Variants in OSBPL8 observed in about 807,000 individuals in gnomAD.
OSBPL8 encodes the protein oxysterol-binding protein-related protein 8.
Under a neutral mutation model 125.5 loss-of-function variants are expected in OSBPL8, and 59 were observed. That is an observed-to-expected ratio of 0.47 (90% CI 0.38 to 0.58). The LOEUF is 0.58. Ranked by LOEUF, OSBPL8 falls within the 20% of genes least tolerant of loss-of-function variation. The pLI is 0.00. For missense variants in OSBPL8, 758 were observed against 1,047.8 expected (o/e 0.72, Z 3.82); for synonymous variants, 330 against 338.9 (o/e 0.97, Z 0.29).
intron 4 of OSBPL8, among the ~76,000 whole-genome samples, chr12:76,430,812 T>A (rs1870727831): frequency 6.6e-6 from 1 of 152,128 alleles, no homozygotes; most frequent in Non-Finnish European, 1.5e-5. Context: ...AAGACTTTCC[T>A]AGACAAACAA....
Position 76,422,684 on chromosome 12 carries a change from A to G in OSBPL8, c.218-12050T>C, listed in dbSNP as rs770858946. ...GAAGGTCTATTTAATGTATATGCTCACCCAAAGGCTAATTAGACCAATATG... is the reference window on the plus strand; with the variant it reads ...GAAGGTCTATTTAATGTATATGCTCGCCCAAAGGCTAATTAGACCAATATG... On this transcript the variant is annotated intron_variant, in intron 4 of 23. Transcript: ENST00000261183. 5.3e-5 allele frequency: 24 copies of G among 452,100 alleles called. 2 individuals carry two copies. The highest frequency in any genetic ancestry group is 3.8e-4 in the South Asian group (24 of 63,850). 28.0% of individuals were successfully genotyped at this position (452,100 alleles called of 1,614,324 possible).
intron 16 of OSBPL8, 118 bp downstream of exon 16, chr12:76,378,334 T>C (rs1952907763): frequency 1.5e-6 from 1 of 681,180 alleles, no homozygotes; most frequent in Non-Finnish European, 2.5e-6. Context: ...AATCCAAGGA[T>C]GCTTTCAAAC....
intron 1 of OSBPL8, among the ~76,000 whole-genome samples, chr12:76,520,248 G>A (rs1881941975): frequency 6.6e-6 from 1 of 152,140 alleles, no homozygotes; most frequent in East Asian, 1.9e-4. Context: ...AAGAAAGAAA[G>A]AAACAAGAGA....
intron 1 of OSBPL8, among the ~76,000 whole-genome samples, chr12:76,491,786 AATT>A (rs1422808441): frequency 6.6e-6 from 1 of 152,214 alleles, no homozygotes; most frequent in Non-Finnish European, 1.5e-5. Context: ...ATGATATAAA[AATT>A]ATGTCTATGG....
intron 4 of OSBPL8, among the ~76,000 whole-genome samples, chr12:76,412,869 GGCCACCCCTTCA>G (rs1868287826): frequency 6.6e-6 from 1 of 152,106 alleles, no homozygotes; most frequent in African/African-American, 2.4e-5. Flanking sequence ...CAAGACGCAA[GGCCACCCCTTCA>G]GGGAGGCCTT....
At chr12:76,448,261 T>C (rs1872955128) in intron 4 of OSBPL8, among the ~76,000 whole-genome samples, 1 of 152,164 alleles carries the variant, frequency 6.6e-6, no homozygotes, top group Admixed American at 6.5e-5. Flanking sequence ...CACTGTACTC[T>C]TTTTTTAACT....
At chr12:76,515,745 T>C (rs1881473107) in intron 1 of OSBPL8, among the ~76,000 whole-genome samples, 2 of 152,056 alleles carry the variant, frequency 1.3e-5, no homozygotes, top group Admixed American at 1.3e-4. Context: ...CTTCATCCTG[T>C]CTTGCTTTTC....
chr12:76,356,818 A>G, intron 22 of OSBPL8, 90 bp from the exon 23 acceptor site: 2 of 861,984 alleles, frequency 2.3e-6, no homozygotes, highest in South Asian at 3.5e-5. Context: ...TTTCCTGGGC[A>G]TTTGTTTTTG....
chr12:76,495,331 T>C (rs1038612766), intron 1 of OSBPL8, among the ~76,000 whole-genome samples: 3 of 152,220 alleles, frequency 2.0e-5, no homozygotes, highest in Non-Finnish European at 2.9e-5. Flanking sequence ...AACAATATAA[T>C]AGCGCAGCAT....
At chr12:76,426,966 T>C (rs1407233092) in intron 4 of OSBPL8, among the ~76,000 whole-genome samples, 1 of 152,160 alleles carries the variant, frequency 6.6e-6, no homozygotes, top group Non-Finnish European at 1.5e-5. Flanking sequence ...ACCAGTCATC[T>C]GCACTCCTTC....
intron 5 of OSBPL8, among the ~76,000 whole-genome samples, chr12:76,404,922 A>G (rs1038865626): frequency 6.6e-6 from 1 of 152,128 alleles, no homozygotes; most frequent in East Asian, 1.9e-4. Context: ...TATATACGAA[A>G]TATTTATATA....
At chr12:76,454,491 C>T (rs1481239040) in intron 3 of OSBPL8, among the ~76,000 whole-genome samples, 1 of 151,840 alleles carries the variant, frequency 6.6e-6, no homozygotes, top group Non-Finnish European at 1.5e-5. Flanking sequence ...GAGTTCAAGA[C>T]CAGCCTAGAC....
At chr12:76,432,474 G>C (rs1565892511) in intron 4 of OSBPL8, among the ~76,000 whole-genome samples, 1 of 152,094 alleles carries the variant, frequency 6.6e-6, no homozygotes, top group Non-Finnish European at 1.5e-5. Context: ...TCAGCTACCT[G>C]GGACGTTGAA....
intron 4 of OSBPL8, among the ~76,000 whole-genome samples, chr12:76,438,176 C>T (rs924914528): frequency 1.1e-4 from 17 of 151,800 alleles, no homozygotes; most frequent in Non-Finnish European, 2.4e-4. Flanking sequence ...TTAGTAGAGA[C>T]GGGGTTTCAC....
intron 1 of OSBPL8, among the ~76,000 whole-genome samples, chr12:76,514,684 T>C (rs1240709889): frequency 6.6e-6 from 1 of 152,220 alleles, no homozygotes; most frequent in Non-Finnish European, 1.5e-5. Context: ...TTTCCTGAAT[T>C]TGACTGTTGG....
At chr12:76,384,215 C>A in intron 15 of OSBPL8, 39 bp downstream of exon 15, 1 of 1,217,912 alleles carries the variant, frequency 8.2e-7, no homozygotes, top group Non-Finnish European at 1.1e-6. Context: ...AAAATAATAC[C>A]TCCCAGGAGA....
intron 9 of OSBPL8, 70 bp from the exon 10 acceptor site, chr12:76,392,822 C>T: frequency 7.1e-7 from 1 of 1,408,950 alleles, no homozygotes; most frequent in South Asian, 1.5e-5. Context: ...CTTAACTTAC[C>T]CTGTTACCAC....
chr12:76,557,449 T>C (rs1267094956), intron 1 of OSBPL8, among the ~76,000 whole-genome samples: 1 of 151,936 alleles, frequency 6.6e-6, no homozygotes, highest in African/African-American at 2.4e-5. Flanking sequence ...ACCCCATCTC[T>C]AATAAAAATA....
chr12:76,402,452 A>G (rs1188176499), intron 6 of OSBPL8, among the ~76,000 whole-genome samples: 1 of 152,220 alleles, frequency 6.6e-6, no homozygotes, highest in Non-Finnish European at 1.5e-5. Context: ...CAGCCTCTGC[A>G]GTTGCCATTT....
Sources: allele counts gnomAD v4.1 joint callset (sites outside exome capture counted in the v4.1 genomes callset), GRCh38; gene constraint gnomAD v4.1.1; transcripts MANE v1.5; gene names NCBI Gene and HGNC (gene_info 2026-07-23, HGNC 2026-07-21).